EIPR1: variants seen among roughly 807,000 people sequenced by gnomAD.
EIPR1 encodes EARP and GARP complex-interacting protein 1.
Under a neutral mutation model 48.1 loss-of-function variants are expected in EIPR1, and 25 were observed. The ratio of observed to expected loss-of-function variants is 0.52; its 90% confidence interval spans 0.38 to 0.73. The LOEUF is 0.73. EIPR1 is among the 30% of genes least tolerant of loss of function. EIPR1 has a pLI of 0.00. For synonymous variants in EIPR1, 204 were observed against 201.9 expected (o/e 1.01, Z -0.09); for missense variants, 415 against 506.2 (o/e 0.82, Z 1.73).
chr2:3,331,150 C>G (rs1425484493), intron 3 of EIPR1, among the ~76,000 whole-genome samples: 1 of 120,916 alleles, frequency 8.3e-6, no homozygotes, highest in African/African-American at 2.8e-5. Flanking sequence ...CGTGTGCACA[C>G]TCATGAGATG....
rs957739926 is a variant in EIPR1, at chr2:3,340,488, G to A, written c.127-2339C>T. On this transcript the variant is annotated intron_variant, in intron 2 of 8. Transcript: ENST00000382125. Reference sequence around the variant, plus strand: ...TCACACATCTAAGAACCAGAGAAATGAACACAGCACTTGTTTTTATAAGTG... The same window carrying A: ...TCACACATCTAAGAACCAGAGAAATAAACACAGCACTTGTTTTTATAAGTG... Among the ~76,000 whole-genome samples, 5 of 152,310 alleles carry A rather than the reference G, an allele frequency of 3.3e-5. No homozygotes were observed. The East Asian group carries it at 5.8e-4, about 18-fold the overall frequency.
At chr2:3,318,339 T>C (rs1213021149) in intron 3 of EIPR1, among the ~76,000 whole-genome samples, 4 of 152,286 alleles carry the variant, frequency 2.6e-5, no homozygotes, top group Non-Finnish European at 5.9e-5. Context: ...CGGCAAATGA[T>C]AGAGCAGGAC....
intron 4 of EIPR1, among the ~76,000 whole-genome samples, chr2:3,228,027 A>C (rs1428196238): frequency 1.3e-5 from 2 of 152,264 alleles, no homozygotes; most frequent in South Asian, 2.1e-4. Context: ...TGGAGCCCCC[A>C]CACAGAGTGC....
At chr2:3,217,063 C>A (rs1665662682) in intron 4 of EIPR1, among the ~76,000 whole-genome samples, 1 of 152,136 alleles carries the variant, frequency 6.6e-6, no homozygotes, top group Admixed American at 6.5e-5. Context: ...GTTTCTAAAT[C>A]CACAAGAGAA....
intron 3 of EIPR1, among the ~76,000 whole-genome samples, chr2:3,264,717 C>T (rs1667434727): frequency 6.6e-6 from 1 of 152,030 alleles, no homozygotes; most frequent in Admixed American, 6.6e-5. Context: ...TGTTTTGAGA[C>T]CGAGTCTCGC....
chr2:3,237,505 T>G (rs977685938), intron 4 of EIPR1, among the ~76,000 whole-genome samples: 1 of 152,220 alleles, frequency 6.6e-6, no homozygotes, highest in Non-Finnish European at 1.5e-5. Context: ...CTTTATCGTA[T>G]GTATTGCACA....
chr2:3,244,617 C>T (rs1666739077), intron 4 of EIPR1, among the ~76,000 whole-genome samples: 1 of 152,182 alleles, frequency 6.6e-6, no homozygotes, highest in South Asian at 2.1e-4. Flanking sequence ...GCTCCTTCTT[C>T]CCTTCCACCA....
chr2:3,258,364 T>C (rs958878346), intron 3 of EIPR1, among the ~76,000 whole-genome samples: 22 of 152,230 alleles, frequency 1.4e-4, no homozygotes, highest in African/African-American at 5.3e-4. Flanking sequence ...TAGTTTTCAA[T>C]TGAATATGTG....
chr2:3,314,552 G>A (rs1669226392), intron 3 of EIPR1, among the ~76,000 whole-genome samples: 1 of 152,052 alleles, frequency 6.6e-6, no homozygotes, highest in Admixed American at 6.6e-5. Context: ...ACCACAGGGT[G>A]ACAAGCATTT....
intron 3 of EIPR1, among the ~76,000 whole-genome samples, chr2:3,299,534 AT>A (rs879928232): frequency 1.3e-5 from 2 of 151,896 alleles, no homozygotes; most frequent in Admixed American, 1.3e-4. Flanking sequence ...AAATCATACT[AT>A]TGACTTTGAC....
At chr2:3,241,795 T>C (rs1016055257) in intron 4 of EIPR1, among the ~76,000 whole-genome samples, 1 of 152,176 alleles carries the variant, frequency 6.6e-6, no homozygotes, top group Non-Finnish European at 1.5e-5. Flanking sequence ...CTTTGAGGCA[T>C]TCACAAGGGT....
intron 3 of EIPR1, among the ~76,000 whole-genome samples, chr2:3,324,094 A>C (rs1021192849): frequency 1.3e-5 from 2 of 152,200 alleles, no homozygotes; most frequent in Non-Finnish European, 2.9e-5. Context: ...TCTGAATCCC[A>C]ACAAAGTCTA....
chr2:3,300,785 C>T (rs995706338), intron 3 of EIPR1: 2 of 152,218 alleles, frequency 1.3e-5, no homozygotes, highest in Non-Finnish European at 1.5e-5. Context: ...AACCAGCTGT[C>T]GCCCAGGCAT....
At chr2:3,348,221 C>T (rs1217818279) in intron 2 of EIPR1, among the ~76,000 whole-genome samples, 1 of 152,184 alleles carries the variant, frequency 6.6e-6, no homozygotes, top group Non-Finnish European at 1.5e-5. Flanking sequence ...GCTGCTCTGT[C>T]GCTGCCCTTC....
intron 3 of EIPR1, among the ~76,000 whole-genome samples, chr2:3,294,785 T>C (rs1394948238): frequency 0.018 from 457 of 24,880 alleles, no homozygotes; most frequent in East Asian, 0.022. Flanking sequence ...TCTCTCTACA[T>C]ACACACCCTC....
intron 3 of EIPR1, among the ~76,000 whole-genome samples, chr2:3,291,725 C>T (rs375137303): frequency 1.3e-4 from 20 of 152,158 alleles, no homozygotes; most frequent in South Asian, 8.3e-4. Flanking sequence ...GTATAATAGA[C>T]GTGGAAGTTA....
At chr2:3,314,378 A>G (rs958383162) in intron 3 of EIPR1, among the ~76,000 whole-genome samples, 12 of 152,254 alleles carry the variant, frequency 7.9e-5, no homozygotes, top group African/African-American at 1.9e-4. Context: ...TAATTTATCA[A>G]TCTTTGCCAC....
chr2:3,212,749 T>C (rs529805460), intron 5 of EIPR1, among the ~76,000 whole-genome samples: 7 of 152,294 alleles, frequency 4.6e-5, no homozygotes, highest in African/African-American at 1.7e-4. Flanking sequence ...ATGTCATTCG[T>C]TTCCTGTTTT....
At chr2:3,230,948 T>G (rs973047905) in intron 4 of EIPR1, among the ~76,000 whole-genome samples, 2 of 152,194 alleles carry the variant, frequency 1.3e-5, no homozygotes, top group African/African-American at 4.8e-5. Flanking sequence ...GGTATGGACA[T>G]TTTAACAATA....
Sources: gnomAD v4.1 joint callset for allele counts (sites outside exome capture counted in the v4.1 genomes callset) on GRCh38, gnomAD v4.1.1 for gene constraint, MANE v1.5 for transcripts, NCBI Gene and HGNC (gene_info 2026-07-23, HGNC 2026-07-21) for gene names.